The following PRKCA variants were observed in gnomAD, a reference collection of about 807,000 sequenced individuals.
PRKCA encodes protein kinase C alpha.
Under a neutral mutation model 87.0 loss-of-function variants are expected in PRKCA, and 27 were observed. That is an observed-to-expected ratio of 0.31 (90% CI 0.23 to 0.43). The LOEUF is 0.43. PRKCA is among the 20% of genes least tolerant of loss of function. The pLI, the probability that PRKCA is intolerant of heterozygous loss-of-function variation, is 1.00. For missense variants in PRKCA, 518 were observed against 852.3 expected, an observed-to-expected ratio of 0.61 and a Z score of 4.88; for synonymous variants, 329 against 311.1, an observed-to-expected ratio of 1.06 and a Z score of -0.61.
chr17:66,481,205 C>T (rs996056692), intron 2 of PRKCA, among the ~76,000 whole-genome samples: 2 of 152,148 alleles, frequency 1.3e-5, no homozygotes, highest in African/African-American at 2.4e-5. Context: ...CTGAAATGTT[C>T]TCTTAGTGAC....
intron 5 of PRKCA, among the ~76,000 whole-genome samples, chr17:66,681,721 CA>C (rs1471868485): frequency 6.6e-6 from 1 of 152,168 alleles, no homozygotes; most frequent in East Asian, 1.9e-4. Context: ...CCTAGCTGCC[CA>C]CGCTCTTGGT....
intron 2 of PRKCA, among the ~76,000 whole-genome samples, chr17:66,314,971 A>G (rs1905242085): frequency 6.6e-6 from 1 of 151,346 alleles, no homozygotes; most frequent in African/African-American, 2.4e-5. Flanking sequence ...GTGTGTATAT[A>G]TGTGTGTATG....
intron 3 of PRKCA, among the ~76,000 whole-genome samples, chr17:66,522,937 T>C (rs1352645101): frequency 2.0e-5 from 3 of 152,174 alleles, no homozygotes; most frequent in Non-Finnish European, 4.4e-5. Context: ...ACTTCCTTGA[T>C]AGACCTTTGG....
At chr17:66,354,999 A>G (rs969569407) in intron 2 of PRKCA, among the ~76,000 whole-genome samples, 5 of 152,224 alleles carry the variant, frequency 3.3e-5, no homozygotes, top group South Asian at 2.1e-4. Context: ...TTGTCATCCT[A>G]TGATGAACTC....
rs372859596 is a variant in PRKCA, at chr17:66,627,460, G to A, written c.289-13895G>A. 3.9e-5 allele frequency among the ~76,000 whole-genome samples: 6 copies of A among 152,218 alleles called. No homozygotes were observed. In the East Asian group the frequency reaches 1.2e-3, roughly 29 times the overall value. Reference sequence around the variant, plus strand: ...AGAAAAGGAGGGAGAGAGGGAGGAAGGAATACATGCATATGATACTTTTGC... The same window carrying A: ...AGAAAAGGAGGGAGAGAGGGAGGAAAGAATACATGCATATGATACTTTTGC... On this transcript the variant is annotated intron_variant, in intron 3 of 16. Transcript: ENST00000413366.
chr17:66,725,719 C>G (rs887667693), intron 8 of PRKCA, among the ~76,000 whole-genome samples: 1 of 150,552 alleles, frequency 6.6e-6, no homozygotes, highest in Non-Finnish European at 1.5e-5. Flanking sequence ...CTGAGATGGG[C>G]GGATCACTTG....
chr17:66,557,089 C>A lies in PRKCA; in HGVS notation c.288+60806C>A, dbSNP rs146219412. On this transcript the variant is annotated intron_variant, in intron 3 of 16. Transcript: ENST00000413366. Reference sequence around the variant, plus strand: ...AGACCAAGTGACCACCTTCCCCTTGCGCTGAGAGGGAATTTCTTCAACTGG... The same window carrying A: ...AGACCAAGTGACCACCTTCCCCTTGAGCTGAGAGGGAATTTCTTCAACTGG... Among the ~76,000 whole-genome samples, 6 of 152,206 alleles carry A rather than the reference C, an allele frequency of 3.9e-5. No homozygotes were observed. In the South Asian group the frequency reaches 1.2e-3, roughly 32 times the overall value.
chr17:66,749,036 G>GGTATCTTGGAGAAGCC (rs1325792545), intron 13 of PRKCA, among the ~76,000 whole-genome samples: 9 of 149,394 alleles, frequency 6.0e-5, no homozygotes, highest in African/African-American at 9.9e-5. Context: ...CTCTGAATTG[G>GGTATCTTGGAGAAGCC]AACCCCCTCC....
chr17:66,451,378 T>TTATA (rs1914309586), intron 2 of PRKCA, among the ~76,000 whole-genome samples: 9 of 151,634 alleles, frequency 5.9e-5, no homozygotes, highest in African/African-American at 2.2e-4. Flanking sequence ...ATTTATTTAT[T>TTATA]TATTTATTAC....
intron 3 of PRKCA, among the ~76,000 whole-genome samples, chr17:66,587,931 A>ATATATC: frequency 8.1e-6 from 1 of 123,538 alleles, no homozygotes; most frequent in East Asian, 2.3e-4. Context: ...ATATATATAT[A>ATATATC]TCCTGCAGTA....
chr17:66,552,553 C>T (rs894117005), intron 3 of PRKCA, among the ~76,000 whole-genome samples: 2 of 152,148 alleles, frequency 1.3e-5, no homozygotes, highest in African/African-American at 4.8e-5. Flanking sequence ...TAGACTGGAC[C>T]CTTAGTTCCT....
intron 8 of PRKCA, among the ~76,000 whole-genome samples, chr17:66,695,147 C>T (rs1224090326): frequency 6.6e-6 from 1 of 152,134 alleles, no homozygotes; most frequent in Non-Finnish European, 1.5e-5. Context: ...CTAAGCTTGG[C>T]CCCTCTTCCC....
intron 2 of PRKCA, among the ~76,000 whole-genome samples, chr17:66,488,847 T>C (rs1916095888): frequency 6.6e-6 from 1 of 152,212 alleles, no homozygotes. Flanking sequence ...ATACAACTTT[T>C]AATGTGTATC....
intron 3 of PRKCA, among the ~76,000 whole-genome samples, chr17:66,611,666 CAT>C (rs1970368121): frequency 1.2e-4 from 19 of 152,176 alleles, no homozygotes; most frequent in Admixed American, 1.2e-3. Flanking sequence ...CATGTGGACA[CAT>C]GTTTTTTGTT....
chr17:66,370,549 CTTTTTTTTTTT>C (rs555797425), intron 2 of PRKCA, among the ~76,000 whole-genome samples: 4 of 113,672 alleles, frequency 3.5e-5, no homozygotes, highest in Non-Finnish European at 7.3e-5. Flanking sequence ...CTTTTCTTTT[CTTTTTTTTTTT>C]TTTTTTTTTG....
At chr17:66,374,719 CTTTTTTTT>C (rs35431248) in intron 2 of PRKCA, among the ~76,000 whole-genome samples, 2 of 115,826 alleles carry the variant, frequency 1.7e-5, no homozygotes, top group Non-Finnish European at 3.4e-5. Flanking sequence ...GAGTTGCATT[CTTTTTTTT>C]TTTTTTTTTT....
At chr17:66,581,417 A>G (rs751396787) in intron 3 of PRKCA, among the ~76,000 whole-genome samples, 1 of 152,216 alleles carries the variant, frequency 6.6e-6, no homozygotes, top group South Asian at 2.1e-4. Flanking sequence ...TATTCTTCCA[A>G]CTTTTTAAAC....
chr17:66,662,103 A>C (rs1344500287), intron 5 of PRKCA, among the ~76,000 whole-genome samples: 1 of 152,220 alleles, frequency 6.6e-6, no homozygotes, highest in Non-Finnish European at 1.5e-5. Context: ...CAGCAAGGGA[A>C]GAGAAAAGCA....
chr17:66,302,819 C>T lies in PRKCA; in HGVS notation c.-33C>T. The T allele has an allele frequency of 6.7e-7, 1 of 1,500,974 alleles. No homozygotes were observed. The highest frequency in any genetic ancestry group is 8.9e-7 in the Non-Finnish European group (1 of 1,120,950). 93.0% of individuals were successfully genotyped at this position (1,500,974 alleles called of 1,614,324 possible). A position where few individuals can be genotyped will look rare whatever the true frequency, so the allele number is the denominator to read the frequency against. On this transcript the variant is annotated 5_prime_UTR_variant, in exon 1 of 17. Coordinates refer to ENST00000413366, the MANE Select transcript of PRKCA (RefSeq NM_002737.3). ...ACCCGGCCCTCCGCGGCCGCAGCTCCCCGGCGGAGGCAAGAGGTGGTTGGG... is the reference window on the plus strand; with the variant it reads ...ACCCGGCCCTCCGCGGCCGCAGCTCTCCGGCGGAGGCAAGAGGTGGTTGGG...
Sources: gnomAD v4.1 joint callset for allele counts (sites outside exome capture counted in the v4.1 genomes callset) on GRCh38, gnomAD v4.1.1 for gene constraint, MANE v1.5 for transcripts, NCBI Gene and HGNC (gene_info 2026-07-23, HGNC 2026-07-21) for gene names.